RGS7: variants seen among roughly 807,000 people sequenced by gnomAD.
The protein encoded by RGS7 is regulator of G-protein signaling 7.
RGS7 carries 27 observed loss-of-function variants against 81.1 expected under a neutral mutation model. The observed-to-expected ratio is 0.33, with a 90% confidence interval of 0.25 to 0.46. The LOEUF (loss-of-function observed/expected upper bound fraction) is 0.46. Among genes scored for constraint, RGS7 ranks in the 20% least tolerant of loss-of-function variants. The pLI is 1.00. For missense variants in RGS7, 396 were observed against 607.4 expected (o/e 0.65, Z 3.66); for synonymous variants, 208 against 207.7 (o/e 1.00, Z -0.01).
At chr1:241,272,598 T>A (rs1165059803) in intron 2 of RGS7, among the ~76,000 whole-genome samples, 1 of 152,232 alleles carries the variant, frequency 6.6e-6, no homozygotes, top group African/African-American at 2.4e-5. Context: ...CTAGCTGTTT[T>A]TCCAGTGGTT....
At chr1:241,117,552 C>G (rs887786632) in intron 2 of RGS7, among the ~76,000 whole-genome samples, 1 of 152,102 alleles carries the variant, frequency 6.6e-6, no homozygotes, top group Non-Finnish European at 1.5e-5. Flanking sequence ...GTGCTTTGAA[C>G]ACTGAGTGCA....
Position 240,976,249 on chromosome 1 carries a change from G to A in RGS7, c.226+6830C>T, listed in dbSNP as rs577583038. 1.6e-4 allele frequency among the ~76,000 whole-genome samples: 24 copies of A among 152,316 alleles called. No homozygotes were observed. The South Asian group carries it at 4.8e-3, about 30-fold the overall frequency. On this transcript the variant is annotated intron_variant, in intron 4 of 18. Coordinates refer to ENST00000440928, the MANE Select transcript of RGS7 (RefSeq NM_001364886.1). ...TGATTAGTTGCTGTGCCCCCAGAGT[G>A]AGCCTGGCTAAAGCAAAGAGTGTCA...
intron 6 of RGS7, among the ~76,000 whole-genome samples, chr1:240,874,817 G>C (rs904711198): frequency 6.6e-6 from 1 of 152,124 alleles, no homozygotes; most frequent in Non-Finnish European, 1.5e-5. Flanking sequence ...GAGGTGGGCA[G>C]ATCACTTGAG....
chr1:241,103,210 T>A (rs184671370), intron 2 of RGS7, among the ~76,000 whole-genome samples: 74 of 152,302 alleles, frequency 4.9e-4, no homozygotes, highest in African/African-American at 1.7e-3. Flanking sequence ...CACGCATATA[T>A]ATGCATGTAT....
At chr1:240,810,471 G>C (rs1397834191) in intron 14 of RGS7, among the ~76,000 whole-genome samples, 2 of 128,960 alleles carry the variant, frequency 1.6e-5, no homozygotes, top group East Asian at 2.3e-4. Context: ...TTTTGAGACA[G>C]AGTCTTGCTC....
chr1:240,822,805 C>T (rs182827558), intron 10 of RGS7, among the ~76,000 whole-genome samples: 11 of 152,100 alleles, frequency 7.2e-5, no homozygotes, highest in Non-Finnish European at 1.3e-4. Flanking sequence ...ATACGATGGC[C>T]TTAATTTAAC....
At chr1:241,311,780 G>A (rs1415700992) in intron 2 of RGS7, among the ~76,000 whole-genome samples, 1 of 152,160 alleles carries the variant, frequency 6.6e-6, no homozygotes, top group Non-Finnish European at 1.5e-5. Flanking sequence ...GTTTTCAAAT[G>A]AGCATTATAG....
At chr1:241,202,618 T>C (rs1437866522) in intron 2 of RGS7, among the ~76,000 whole-genome samples, 2 of 152,186 alleles carry the variant, frequency 1.3e-5, no homozygotes. Flanking sequence ...GCAACGCCTG[T>C]CTGTTTAGAT....
intron 2 of RGS7, among the ~76,000 whole-genome samples, chr1:241,310,238 T>TC (rs1319197170): frequency 6.6e-6 from 1 of 152,154 alleles, no homozygotes; most frequent in Admixed American, 6.5e-5. Context: ...TGAAAAAAAG[T>TC]CAAGAACTTG....
chr1:241,291,076 C>T (rs1183208508), intron 2 of RGS7, among the ~76,000 whole-genome samples: 1 of 152,128 alleles, frequency 6.6e-6, no homozygotes, highest in Non-Finnish European at 1.5e-5. Context: ...AGAAACAAGA[C>T]ACTTTTCTGT....
At chr1:241,167,689 T>G (rs991249283) in intron 2 of RGS7, among the ~76,000 whole-genome samples, 1 of 151,506 alleles carries the variant, frequency 6.6e-6, no homozygotes, top group Non-Finnish European at 1.5e-5. Context: ...CGGCTAATTT[T>G]TTGCATTTTT....
intron 2 of RGS7, among the ~76,000 whole-genome samples, chr1:241,153,754 G>GA (rs1452285566): frequency 2.0e-5 from 3 of 152,210 alleles, no homozygotes; most frequent in Non-Finnish European, 4.4e-5. Context: ...AATTTGTCCA[G>GA]AATAGGGACA....
intron 2 of RGS7, among the ~76,000 whole-genome samples, chr1:241,336,742 G>T (rs555649948): frequency 6.6e-6 from 1 of 152,210 alleles, no homozygotes; most frequent in Admixed American, 6.5e-5. Context: ...TTTTGTGGAG[G>T]GAAAATAAAA....
intron 3 of RGS7, among the ~76,000 whole-genome samples, chr1:241,053,317 A>G (rs1572463619): frequency 6.6e-6 from 1 of 152,214 alleles, no homozygotes; most frequent in East Asian, 1.9e-4. Context: ...AGGCCCTTAC[A>G]GGCCTTGCAC....
intron 3 of RGS7, among the ~76,000 whole-genome samples, chr1:241,012,424 C>T (rs1252946658): frequency 6.6e-6 from 1 of 152,098 alleles, no homozygotes; most frequent in Non-Finnish European, 1.5e-5. Flanking sequence ...AAACTTTCCC[C>T]AGATGACAGT....
At chr1:240,899,105 TC>T (rs1572663061) in intron 6 of RGS7, among the ~76,000 whole-genome samples, 1 of 149,546 alleles carries the variant, frequency 6.7e-6, no homozygotes, top group East Asian at 1.9e-4. Context: ...AGGATTGCAA[TC>T]CTTGCTTTTT....
chr1:240,784,464 C>T (rs1684695890), intron 18 of RGS7, among the ~76,000 whole-genome samples: 1 of 151,296 alleles, frequency 6.6e-6, no homozygotes, highest in African/African-American at 2.4e-5. Flanking sequence ...CACAGTGAAA[C>T]CTCGTCTCTA....
At chr1:241,257,993 T>C (rs1037300648) in intron 2 of RGS7, among the ~76,000 whole-genome samples, 1 of 152,294 alleles carries the variant, frequency 6.6e-6, no homozygotes, top group East Asian at 1.9e-4. Flanking sequence ...ATATAGTATG[T>C]AGACACTATG....
chr1:240,857,921 C>A (rs1027457671), intron 9 of RGS7, among the ~76,000 whole-genome samples: 1 of 152,094 alleles, frequency 6.6e-6, no homozygotes, highest in East Asian at 1.9e-4. Flanking sequence ...GGGCTTCTCC[C>A]GCTTTGTTCT....
Sources: gnomAD v4.1 joint callset for allele counts (sites outside exome capture counted in the v4.1 genomes callset) on GRCh38, gnomAD v4.1.1 for gene constraint, MANE v1.5 for transcripts, NCBI Gene and HGNC (gene_info 2026-07-23, HGNC 2026-07-21) for gene names.